RBFOX1: variants seen among roughly 807,000 people sequenced by gnomAD.
RBFOX1 encodes RNA binding fox-1 homolog 1.
A neutral mutation model predicts 57.7 loss-of-function variants in RBFOX1; 8 were observed. The observed-to-expected ratio is 0.14, with a 90% confidence interval of 0.08 to 0.25. The LOEUF is 0.25. Among genes scored for constraint, RBFOX1 ranks in the 10% least tolerant of loss-of-function variants. The pLI is 1.00. For synonymous variants in RBFOX1, 326 were observed against 222.4 expected, an observed-to-expected ratio of 1.47 and a Z score of -4.15; for missense variants, 611 against 548.5, an observed-to-expected ratio of 1.11 and a Z score of -1.14.
intron 4 of RBFOX1, among the ~76,000 whole-genome samples, chr16:7,395,254 G>T (rs2098121868): frequency 6.6e-6 from 1 of 151,366 alleles, no homozygotes; most frequent in African/African-American, 2.4e-5. Flanking sequence ...TGACAGAATT[G>T]CTCTTTTTAC....
intron 4 of RBFOX1, among the ~76,000 whole-genome samples, chr16:7,429,402 C>G (rs2098656576): frequency 1.3e-5 from 2 of 152,254 alleles, no homozygotes; most frequent in African/African-American, 4.8e-5. Context: ...GAAGCCTTCC[C>G]TGGCTAGCCC....
At chr16:6,880,201 A>G (rs1255647267) in intron 3 of RBFOX1, among the ~76,000 whole-genome samples, 2 of 140,522 alleles carry the variant, frequency 1.4e-5, no homozygotes, top group Non-Finnish European at 3.1e-5. Flanking sequence ...TTTAAGGTAT[A>G]AAAGAGCAAA....
intron 4 of RBFOX1, among the ~76,000 whole-genome samples, chr16:7,092,120 A>T (rs1238743102): frequency 1.3e-5 from 2 of 152,240 alleles, no homozygotes; most frequent in Non-Finnish European, 2.9e-5. Context: ...CATCTTAAAG[A>T]TGTTTTTATA....
intron 4 of RBFOX1, among the ~76,000 whole-genome samples, chr16:7,390,229 TGA>T (rs1322325194): frequency 3.3e-5 from 5 of 152,118 alleles, no homozygotes; most frequent in Non-Finnish European, 5.9e-5. Context: ...CCTCCAACAC[TGA>T]GAACTACAGC....
chr16:6,805,851 A>C (rs1365802058), intron 3 of RBFOX1, among the ~76,000 whole-genome samples: 2 of 152,118 alleles, frequency 1.3e-5, no homozygotes, highest in Non-Finnish European at 2.9e-5. Flanking sequence ...CTTTCTCCTT[A>C]CAGTCACACT....
chr16:6,626,935 A>G (rs2098316680), intron 2 of RBFOX1, among the ~76,000 whole-genome samples: 1 of 152,198 alleles, frequency 6.6e-6, no homozygotes, highest in African/African-American at 2.4e-5. Flanking sequence ...TTGAATTGTT[A>G]TGATAGCCTA....
rs530209711 is a variant in RBFOX1, at chr16:6,460,396, A to C, written c.-64+143339A>C. On this transcript the variant is annotated intron_variant, in intron 2 of 15. Coordinates refer to ENST00000550418, the MANE Select transcript of RBFOX1 (RefSeq NM_018723.4). ...CCAGAATCTACAAGGAACTTAAGGA[A>C]ATTTACAAGAAAAAAAACACCCCAT... is the stretch of plus-strand genomic sequence containing the variant. 2.5e-4 allele frequency among the ~76,000 whole-genome samples: 38 copies of C among 152,268 alleles called. No homozygotes were observed. In the South Asian group the frequency reaches 7.5e-3, roughly 30 times the overall value.
chr16:7,570,469 C>G (rs927793724), intron 5 of RBFOX1, among the ~76,000 whole-genome samples: 2 of 152,112 alleles, frequency 1.3e-5, no homozygotes, highest in African/African-American at 4.8e-5. Context: ...TTTACTCAAC[C>G]GAAACTGGAT....
At chr16:7,567,028 C>T (rs1264254691) in intron 5 of RBFOX1, among the ~76,000 whole-genome samples, 6 of 151,566 alleles carry the variant, frequency 4.0e-5, no homozygotes, top group South Asian at 4.1e-4. Flanking sequence ...CAGCTGACAG[C>T]TACTGCTAAT....
At chr16:6,880,842 C>G (rs549232494) in intron 3 of RBFOX1, among the ~76,000 whole-genome samples, 3 of 152,224 alleles carry the variant, frequency 2.0e-5, no homozygotes, top group South Asian at 4.2e-4. Context: ...GTTGGAATTG[C>G]TGGACAGCAA....
intron 4 of RBFOX1, among the ~76,000 whole-genome samples, chr16:5,943,972 C>A (rs1052465044): frequency 1.3e-5 from 2 of 151,686 alleles, no homozygotes; most frequent in East Asian, 3.9e-4. Context: ...TCCACCCCCC[C>A]ACCCATCCAT....
chr16:6,211,227 A>ATT (rs140569689), intron 1 of RBFOX1, among the ~76,000 whole-genome samples: 3 of 105,286 alleles, frequency 2.8e-5, no homozygotes, highest in Non-Finnish European at 2.1e-5. Context: ...AATCTAGTTA[A>ATT]CTTTTTTTTT....
chr16:7,287,927 G>C (rs1473329701), intron 4 of RBFOX1, among the ~76,000 whole-genome samples: 1 of 152,096 alleles, frequency 6.6e-6, no homozygotes, highest in African/African-American at 2.4e-5. Context: ...AATACACATA[G>C]TTTGTGAGGA....
intron 4 of RBFOX1, among the ~76,000 whole-genome samples, chr16:7,138,022 G>A (rs1360820767): frequency 6.6e-6 from 1 of 152,208 alleles, no homozygotes; most frequent in Non-Finnish European, 1.5e-5. Context: ...TGCCCGAGGT[G>A]ACACAGCAGA....
At chr16:6,556,361 C>T (rs1043714340) in intron 2 of RBFOX1, among the ~76,000 whole-genome samples, 9 of 152,202 alleles carry the variant, frequency 5.9e-5, no homozygotes, top group Non-Finnish European at 1.3e-4. Context: ...GTTGTTCAAA[C>T]TGTGCCGGCT....
At chr16:6,849,033 C>T (rs954969257) in intron 3 of RBFOX1, among the ~76,000 whole-genome samples, 6 of 152,308 alleles carry the variant, frequency 3.9e-5, no homozygotes, top group South Asian at 2.1e-4. Flanking sequence ...GCCAGGCTTA[C>T]GTGTCCCTGA....
intron 2 of RBFOX1, among the ~76,000 whole-genome samples, chr16:5,497,454 A>G (rs567160327): frequency 6.6e-6 from 1 of 152,114 alleles, no homozygotes; most frequent in Non-Finnish European, 1.5e-5. Flanking sequence ...GAGAGACAAG[A>G]AAGAAGCACT....
chr16:5,774,902 C>G (rs573690515), intron 3 of RBFOX1, among the ~76,000 whole-genome samples: 1 of 152,066 alleles, frequency 6.6e-6, no homozygotes, highest in Non-Finnish European at 1.5e-5. Context: ...AGGCTGGTCT[C>G]GAACTCCTGA....
intron 1 of RBFOX1, among the ~76,000 whole-genome samples, chr16:6,177,581 T>G (rs1412203419): frequency 2.0e-5 from 3 of 152,208 alleles, no homozygotes; most frequent in Non-Finnish European, 4.4e-5. Flanking sequence ...CTGTTTCATC[T>G]TCTATGAAAA....
Sources: allele counts gnomAD v4.1 joint callset (sites outside exome capture counted in the v4.1 genomes callset), GRCh38; gene constraint gnomAD v4.1.1; transcripts MANE v1.5; gene names NCBI Gene and HGNC (gene_info 2026-07-23, HGNC 2026-07-21).